TXNDC11: variants seen among roughly 807,000 people sequenced by gnomAD.
TXNDC11 encodes the protein thioredoxin domain containing 11, also known as thioredoxin domain-containing protein 11.
A neutral mutation model predicts 78.0 loss-of-function variants in TXNDC11; 68 were observed. The ratio of observed to expected loss-of-function variants is 0.87; its 90% CI spans 0.72 to 1.07. TXNDC11 has a LOEUF of 1.07. Among genes scored for constraint, TXNDC11 ranks in the 50% least tolerant of loss-of-function variants. The pLI is 0.00. For synonymous variants in TXNDC11, 571 were observed against 495.2 expected, an observed-to-expected ratio of 1.15 and a Z score of -2.03; for missense variants, 1,389 against 1,221.8, an observed-to-expected ratio of 1.14 and a Z score of -2.04.
intron 1 of TXNDC11, among the ~76,000 whole-genome samples, chr16:11,739,112 A>G (rs1476218909): frequency 6.6e-6 from 1 of 152,222 alleles, no homozygotes; most frequent in Non-Finnish European, 1.5e-5. Flanking sequence ...AAGGATAAAG[A>G]GCAACTCAGT....
At chr16:11,701,089 C>A (rs778830101) in intron 5 of TXNDC11, among the ~76,000 whole-genome samples, 1 of 147,052 alleles carries the variant, frequency 6.8e-6, no homozygotes, top group Non-Finnish European at 1.5e-5. Context: ...TTTGCATAAT[C>A]TCATTCATTT....
At chr16:11,735,574 G>C (rs1186117297) in intron 2 of TXNDC11, among the ~76,000 whole-genome samples, 2 of 152,100 alleles carry the variant, frequency 1.3e-5, no homozygotes, top group East Asian at 3.9e-4. Context: ...TTCTTACCTA[G>C]CCCAAAGGTG....
At chr16:11,702,855 C>T (rs554853744) in intron 5 of TXNDC11, among the ~76,000 whole-genome samples, 10 of 152,028 alleles carry the variant, frequency 6.6e-5, no homozygotes, top group Non-Finnish European at 1.5e-4. Flanking sequence ...AAGGAGTGGC[C>T]GACAAGGATG....
At chr16:11,738,047 G>C (rs1371093588) in intron 1 of TXNDC11, among the ~76,000 whole-genome samples, 1 of 152,060 alleles carries the variant, frequency 6.6e-6, no homozygotes, top group Non-Finnish European at 1.5e-5. Context: ...TGACTCATGA[G>C]GTAAAATGAT....
At chr16:11,706,316 TGGC>T (rs1456571083) in intron 5 of TXNDC11, among the ~76,000 whole-genome samples, 2 of 152,200 alleles carry the variant, frequency 1.3e-5, no homozygotes, top group East Asian at 3.9e-4. Flanking sequence ...GCATGTCTCT[TGGC>T]GCCACTCACC....
At chr16:11,704,668 A>G (rs1211686351) in intron 5 of TXNDC11, among the ~76,000 whole-genome samples, 1 of 152,192 alleles carries the variant, frequency 6.6e-6, no homozygotes, top group Non-Finnish European at 1.5e-5. Flanking sequence ...AACAGACAAA[A>G]TTGAGCAATT....
chr16:11,709,546 T>G (rs956024802), intron 5 of TXNDC11, among the ~76,000 whole-genome samples: 1 of 144,736 alleles, frequency 6.9e-6, no homozygotes, highest in East Asian at 2.2e-4. Flanking sequence ...GCCATTCTCC[T>G]GCCTCAGCCT....
At chr16:11,690,972 C>A (rs2050698561) in intron 8 of TXNDC11, 1 of 350,880 alleles carries the variant, frequency 2.8e-6, no homozygotes, top group African/African-American at 2.2e-5. Context: ...GTTCTAGTCC[C>A]CAAGTCCCCA....
chr16:11,723,308 G>C (rs2051768594), intron 4 of TXNDC11, among the ~76,000 whole-genome samples: 1 of 151,928 alleles, frequency 6.6e-6, no homozygotes, highest in South Asian at 2.1e-4. Context: ...TTCTCACTCT[G>C]TTGCCCTGGC....
intron 9 of TXNDC11, 48 bp downstream of exon 9, chr16:11,688,255 T>C (rs1269538172): frequency 6.3e-7 from 1 of 1,593,680 alleles, no homozygotes; most frequent in Admixed American, 1.8e-5. Context: ...TTGGAAATTA[T>C]TTTAAGAGGG....
At chr16:11,713,386 G>A (rs997811261) in intron 5 of TXNDC11, among the ~76,000 whole-genome samples, 4 of 152,146 alleles carry the variant, frequency 2.6e-5, no homozygotes, top group Admixed American at 2.0e-4. Context: ...TAAACAGTCA[G>A]TTTTAGGTGT....
At chr16:11,735,787 T>A (rs756590411) in intron 2 of TXNDC11, among the ~76,000 whole-genome samples, 1 of 152,238 alleles carries the variant, frequency 6.6e-6, no homozygotes, top group African/African-American at 2.4e-5. Context: ...AGGATAAGCA[T>A]TGGCTTGTGT....
intron 11 of TXNDC11, among the ~76,000 whole-genome samples, chr16:11,682,984 G>A (rs1468441694): frequency 2.6e-5 from 4 of 152,146 alleles, no homozygotes; most frequent in Admixed American, 6.5e-5. Flanking sequence ...AACAGCAAAC[G>A]TCATACATGC....
intron 1 of TXNDC11, among the ~76,000 whole-genome samples, chr16:11,739,760 A>T (rs2052336901): frequency 6.6e-6 from 1 of 152,166 alleles, no homozygotes; most frequent in Non-Finnish European, 1.5e-5. Context: ...GATGCCCAGA[A>T]ACGCACGATT....
rs1309708165 is a variant in TXNDC11 at position 11,691,399 on chromosome 16, C to T, written c.1791G>A (p.Leu597=). ...SNLFWLYAER[L]GAPSSTQVKE... ...TCACCTGAGTGGAGCTCGGAGCACC[C>T]AGTCTCTCTGCATATAACCAAAACA... The change falls in exon 8 of 12, where the codon CTG becomes CTA. Residue 597 remains leucine, a synonymous_variant. Coordinates refer to ENST00000283033, the MANE Select transcript of TXNDC11 (RefSeq NM_015914.7). 1.2e-6 allele frequency: 2 copies of T among 1,614,194 alleles called. No homozygotes were observed. The highest frequency in any genetic ancestry group is 1.1e-5 in the South Asian group (1 of 91,082).
chr16:11,701,539 A>T (rs1049622230), intron 5 of TXNDC11, among the ~76,000 whole-genome samples: 4 of 152,190 alleles, frequency 2.6e-5, no homozygotes, highest in African/African-American at 9.7e-5. Context: ...TAAGAGGTCA[A>T]AAAATATTTA....
At chr16:11,726,988 G>A (rs1037250922) in intron 4 of TXNDC11, among the ~76,000 whole-genome samples, 4 of 152,292 alleles carry the variant, frequency 2.6e-5, no homozygotes, top group South Asian at 2.1e-4. Context: ...AGGAGGTGGA[G>A]GTTGCGGTGA....
At chr16:11,693,893 C>T (rs2050785615) in intron 7 of TXNDC11, among the ~76,000 whole-genome samples, 1 of 152,050 alleles carries the variant, frequency 6.6e-6, no homozygotes, top group Non-Finnish European at 1.5e-5. Flanking sequence ...CTACTCCCAC[C>T]CACTCCCGCA....
chr16:11,681,605 C>G (rs899661496), intron 11 of TXNDC11, among the ~76,000 whole-genome samples: 4 of 152,302 alleles, frequency 2.6e-5, no homozygotes, highest in Admixed American at 6.5e-5. Context: ...GGGCACACCT[C>G]TAAAAAACTG....
Sources: allele counts gnomAD v4.1 joint callset (sites outside exome capture counted in the v4.1 genomes callset), GRCh38; gene constraint gnomAD v4.1.1; transcripts MANE v1.5; gene names NCBI Gene and HGNC (gene_info 2026-07-23, HGNC 2026-07-21).